CBR4: variants seen among roughly 807,000 people sequenced by gnomAD.
CBR4 encodes the protein 3-oxoacyl-[acyl-carrier-protein] reductase.
Under a neutral mutation model 21.0 loss-of-function variants are expected in CBR4, and 22 were observed. The observed-to-expected ratio is 1.05, with a 90% CI of 0.75 to 1.50. CBR4 has a LOEUF of 1.50. Ranked by LOEUF, CBR4 falls within the 40% of genes most tolerant of loss-of-function variation. The pLI is 0.00. For missense variants in CBR4, 302 were observed against 286.3 expected (o/e 1.05, Z -0.40); for synonymous variants, 100 against 104.4 (o/e 0.96, Z 0.26).
chr4:168,918,179 C>T (rs1378129896), intron 2 of CBR4, among the ~76,000 whole-genome samples: 6 of 150,136 alleles, frequency 4.0e-5, no homozygotes, highest in African/African-American at 7.3e-5. Context: ...CAAGACTCCC[C>T]GTCTCCCCCA....
At chr4:168,928,977 A>C (rs1582278273) in intron 2 of CBR4, among the ~76,000 whole-genome samples, 1 of 152,118 alleles carries the variant, frequency 6.6e-6, no homozygotes, top group Non-Finnish European at 1.5e-5. Flanking sequence ...TTTGATTGGA[A>C]TAACTGAGAG....
At chr4:168,921,860 C>A in intron 2 of CBR4, 2 of 836,282 alleles carry the variant, frequency 2.4e-6, no homozygotes, top group South Asian at 1.4e-5. Context: ...TAGATTGTAT[C>A]ATCAAAATAG....
intron 2 of CBR4, among the ~76,000 whole-genome samples, chr4:168,980,411 T>C (rs1228694082): frequency 1.3e-5 from 2 of 152,186 alleles, no homozygotes; most frequent in Admixed American, 1.3e-4. Context: ...ACTTTGCTAA[T>C]ATACCGCCTA....
intron 2 of CBR4, among the ~76,000 whole-genome samples, chr4:168,964,333 A>G (rs1159261636): frequency 6.6e-6 from 1 of 152,186 alleles, no homozygotes; most frequent in South Asian, 2.1e-4. Flanking sequence ...AGTTTTGTCA[A>G]AATCAATTGA....
chr4:168,940,733 G>A (rs563573862), intron 2 of CBR4, among the ~76,000 whole-genome samples: 1 of 152,124 alleles, frequency 6.6e-6, no homozygotes, highest in Non-Finnish European at 1.5e-5. Flanking sequence ...ACCACAATGA[G>A]ATATCTCATG....
chr4:168,959,741 C>T lies in CBR4; in HGVS notation n.169+42330G>A, dbSNP rs138590169. ...CCACCATGCCCGGCTAATTTTTGTA[C>T]TTTTAGAGAGATGGGGTTTCACCTT... On this transcript the variant is annotated intron_variant and non_coding_transcript_variant, in intron 2 of 3. Transcript: ENST00000509108. Among the ~76,000 whole-genome samples the T allele has an allele frequency of 1.2e-3, 181 of 151,476 alleles. 1 individual carries two copies. Among genetic ancestry groups the T allele is most frequent in the African/African-American group, 4.2e-3 (173 of 41,324 alleles).
At chr4:168,947,358 G>A (rs1042468768) in intron 2 of CBR4, among the ~76,000 whole-genome samples, 5 of 152,008 alleles carry the variant, frequency 3.3e-5, no homozygotes, top group Admixed American at 3.3e-4. Flanking sequence ...GTGCAATTCC[G>A]TATGTTCCTC....
chr4:169,009,317 G>T (rs1477200254), intron 1 of CBR4, among the ~76,000 whole-genome samples: 1 of 152,130 alleles, frequency 6.6e-6, no homozygotes, highest in African/African-American at 2.4e-5. Context: ...CAATAAAAAA[G>T]AATTTGGCAG....
chr4:168,925,200 T>A (rs1762333121), intron 2 of CBR4: 4 of 1,540,014 alleles, frequency 2.6e-6, no homozygotes, highest in Non-Finnish European at 3.5e-6. Context: ...GTCAAAAAAA[T>A]TCATATTGCT....
chr4:168,974,393 T>C (rs915906418), intron 2 of CBR4, among the ~76,000 whole-genome samples: 1 of 152,214 alleles, frequency 6.6e-6, no homozygotes, highest in Non-Finnish European at 1.5e-5. Context: ...GCCTAGGTGA[T>C]GATGTTTTGT....
intron 2 of CBR4, among the ~76,000 whole-genome samples, chr4:168,935,279 A>G (rs1473366899): frequency 2.0e-5 from 3 of 152,178 alleles, no homozygotes; most frequent in Non-Finnish European, 2.9e-5. Context: ...TTTTGCAACC[A>G]TAGACCAGAT....
chr4:168,904,072 T>C (rs1757113757), intron 2 of CBR4: 3 of 674,496 alleles, frequency 4.4e-6, no homozygotes, highest in South Asian at 3.4e-5. Context: ...GAAAAATTCT[T>C]TGTTTCATGA....
chr4:169,009,131 T>C (rs1731173157), intron 1 of CBR4: 1 of 424,770 alleles, frequency 2.4e-6, no homozygotes, highest in African/African-American at 2.1e-5. Context: ...GCCTCTATTC[T>C]CCCCATGCCT....
chr4:169,007,600 A>T, intron 2 of CBR4, 36 bp downstream of exon 2: 3 of 1,332,880 alleles, frequency 2.3e-6, no homozygotes, highest in Non-Finnish European at 3.0e-6. Context: ...AGTTTTAAAT[A>T]TATATATAAG....
intron 4 of CBR4, among the ~76,000 whole-genome samples, chr4:168,992,152 CT>C: frequency 6.6e-6 from 1 of 152,274 alleles, no homozygotes; most frequent in Non-Finnish European, 1.5e-5. Flanking sequence ...TATCATGAAG[CT>C]TATGAATGAC....
chr4:168,933,323 T>C (rs1763018417), intron 2 of CBR4, among the ~76,000 whole-genome samples: 1 of 151,782 alleles, frequency 6.6e-6, no homozygotes, highest in African/African-American at 2.4e-5. Flanking sequence ...TGGAAAAAAA[T>C]AATCAATGCA....
At chr4:168,969,106 T>C (rs1320762093) in intron 2 of CBR4, among the ~76,000 whole-genome samples, 3 of 152,226 alleles carry the variant, frequency 2.0e-5, no homozygotes, top group Non-Finnish European at 4.4e-5. Context: ...TTAGCTTGAC[T>C]GTATTCCCAA....
In CBR4 at chr4:168,913,663, C is replaced by A. The variant is rs187704315; in HGVS notation, n.170-18898G>T. Reference sequence around the variant, plus strand: ...TAATCAAGGGTTGTCATTTTAAATACCATCCTAGATAAAACAGTAAAGCTT... The same window carrying A: ...TAATCAAGGGTTGTCATTTTAAATAACATCCTAGATAAAACAGTAAAGCTT... On this transcript the variant is annotated intron_variant and non_coding_transcript_variant, in intron 2 of 3. Transcript: ENST00000509108. Among the ~76,000 whole-genome samples the A allele has an allele frequency of 2.0e-5, 3 of 151,840 alleles. No homozygotes were observed. The East Asian group carries it at 5.8e-4, about 29-fold the overall frequency.
At position 168,906,403 on chromosome 4, in the gene CBR4, C is replaced by T. The variant is rs116076080; in HGVS notation, n.170-11638G>A. On this transcript the variant is annotated intron_variant and non_coding_transcript_variant, in intron 2 of 3. Transcript: ENST00000509108. Reference sequence around the variant, plus strand: ...AGTGAGGAAGGACTGACTCAGTGCTCATGGCCAATGGCAGTGTGCAGAGTT... The same window carrying T: ...AGTGAGGAAGGACTGACTCAGTGCTTATGGCCAATGGCAGTGTGCAGAGTT... 8.7e-3 allele frequency among the ~76,000 whole-genome samples: 1,326 copies of T among 152,252 alleles called. 17 individuals are homozygous for T. Among genetic ancestry groups the T allele is most frequent in the African/African-American group, 0.03 (1,245 of 41,548 alleles).
Sources: allele counts gnomAD v4.1 joint callset (sites outside exome capture counted in the v4.1 genomes callset), GRCh38; gene constraint gnomAD v4.1.1; transcripts MANE v1.5; gene names NCBI Gene and HGNC (gene_info 2026-07-23, HGNC 2026-07-21).